RSBN1L: variants seen among roughly 807,000 people sequenced by gnomAD.
The protein encoded by RSBN1L is round spermatid basic protein 1 like, also known as lysine-specific demethylase RSBN1L.
A neutral mutation model predicts 67.7 loss-of-function variants in RSBN1L; 30 were observed. That is an observed-to-expected ratio of 0.44 (90% CI 0.33 to 0.60). RSBN1L has a LOEUF of 0.60. RSBN1L is among the 20% of genes least tolerant of loss of function. The pLI is 0.02. For missense variants in RSBN1L, 992 were observed against 1,031.7 expected, an observed-to-expected ratio of 0.96 and a Z score of 0.53; for synonymous variants, 433 against 387.0, an observed-to-expected ratio of 1.12 and a Z score of -1.39.
rs746477084 is a variant in RSBN1L, at chr7:77,696,742, G to A, written c.273G>A (p.Leu91=). The A allele has an allele frequency of 5.9e-5, 96 of 1,613,652 alleles. No individual in the cohort carries two copies. The South Asian group carries it at 1.0e-3, about 17-fold the overall frequency. The change falls in exon 1 of 8, where the codon CTG becomes CTA. Residue 91 remains leucine (L), a synonymous_variant. Transcript: ENST00000334955. The part of the protein sequence containing the change: ...GSPASWSFAP[L]SAAPSPSSSR... ...CCGCGTCTTGGAGCTTTGCCCCTCTGTCTGCTGCTCCCTCCCCGTCCTCTT... is the reference window on the plus strand; with the variant it reads ...CCGCGTCTTGGAGCTTTGCCCCTCTATCTGCTGCTCCCTCCCCGTCCTCTT...
At chr7:77,709,949 A>G (rs1297064773) in intron 1 of RSBN1L, among the ~76,000 whole-genome samples, 2 of 152,170 alleles carry the variant, frequency 1.3e-5, no homozygotes, top group African/African-American at 2.4e-5. Context: ...TTGTCTTGCT[A>G]TGTATGTTCC....
intron 1 of RSBN1L, among the ~76,000 whole-genome samples, chr7:77,731,312 C>T (rs1295300596): frequency 6.6e-6 from 1 of 152,148 alleles, no homozygotes; most frequent in African/African-American, 2.4e-5. Flanking sequence ...CTCCTGGACT[C>T]AAGTGATCCA....
intron 1 of RSBN1L, among the ~76,000 whole-genome samples, chr7:77,718,642 G>A (rs748066369): frequency 1.1e-4 from 17 of 152,080 alleles, no homozygotes; most frequent in Non-Finnish European, 2.2e-4. Flanking sequence ...TCTAGAGTCA[G>A]TGCATGTCTT....
At chr7:77,709,152 TTG>T (rs67322019) in intron 1 of RSBN1L, among the ~76,000 whole-genome samples, 1,953 of 142,398 alleles carry the variant, frequency 0.014, 19 homozygotes, top group East Asian at 0.052. Context: ...GGGATTCTGT[TTG>T]TGTGTGTGTG....
Position 77,754,498 on chromosome 7 carries a change from A to G in RSBN1L, c.1344+4434A>G, listed in dbSNP as rs566962523. ...CATAGAGGTCTTGCAGATTTTTAAGATTTATTCCTGTATATTCAAGACCTC... is the reference window on the plus strand; with the variant it reads ...CATAGAGGTCTTGCAGATTTTTAAGGTTTATTCCTGTATATTCAAGACCTC... On this transcript the variant is annotated intron_variant, in intron 3 of 7. Coordinates refer to ENST00000334955, the MANE Select transcript of RSBN1L (RefSeq NM_198467.3). Among the ~76,000 whole-genome samples the G allele has an allele frequency of 9.2e-5, 14 of 152,170 alleles. No homozygotes were observed. In the South Asian group the frequency reaches 2.9e-3, roughly 31 times the overall value.
chr7:77,709,516 C>T (rs1218239468), intron 1 of RSBN1L, among the ~76,000 whole-genome samples: 1 of 152,110 alleles, frequency 6.6e-6, no homozygotes, highest in Non-Finnish European at 1.5e-5. Context: ...TCTCAAACTC[C>T]TGACCTCAGG....
intron 3 of RSBN1L, among the ~76,000 whole-genome samples, chr7:77,763,703 G>GT (rs1791725414): frequency 2.0e-5 from 3 of 152,128 alleles, no homozygotes; most frequent in Admixed American, 2.0e-4. Flanking sequence ...ATATTTGTTT[G>GT]TTTTTTTGAG....
Position 77,749,960 on chromosome 7 carries a change from T to A in RSBN1L, c.1240T>A (p.Phe414Ile). 6.2e-7 allele frequency: 1 copy of A among 1,613,976 alleles called. No homozygotes were observed. The highest frequency in any genetic ancestry group is 8.5e-7 in the Non-Finnish European group (1 of 1,179,886). ...TGGGGCAGCTACTTATTTACCTGAC[T>A]TTTTAGACTATTTTTCATTTAATTT... ...VHGAATYLPD[F>I]LDYFSFNFPN... is the part of the protein sequence containing the mutation. Residue 414 changes from phenylalanine to isoleucine, a missense_variant, in exon 3 of 8, where the codon TTT (phenylalanine) becomes ATT (isoleucine). Coordinates refer to ENST00000334955, the MANE Select transcript of RSBN1L (RefSeq NM_198467.3).
At chr7:77,755,928 C>T (rs1275152520) in intron 3 of RSBN1L, among the ~76,000 whole-genome samples, 1 of 152,148 alleles carries the variant, frequency 6.6e-6, no homozygotes, top group Admixed American at 6.5e-5. Flanking sequence ...CAGAGGAAAG[C>T]AGAACTGTAG....
chr7:77,702,693 G>A (rs1790834612), intron 1 of RSBN1L, among the ~76,000 whole-genome samples: 1 of 152,056 alleles, frequency 6.6e-6, no homozygotes, highest in South Asian at 2.1e-4. Context: ...CCATAGAATG[G>A]GTGACTTAAC....
At chr7:77,709,987 T>C (rs989462036) in intron 1 of RSBN1L, among the ~76,000 whole-genome samples, 2 of 152,206 alleles carry the variant, frequency 1.3e-5, no homozygotes, top group Non-Finnish European at 2.9e-5. Flanking sequence ...ACCTAGTGGC[T>C]CCGTCTTGGA....
chr7:77,706,901 A>G (rs1790899728), intron 1 of RSBN1L, among the ~76,000 whole-genome samples: 1 of 152,236 alleles, frequency 6.6e-6, no homozygotes, highest in Non-Finnish European at 1.5e-5. Flanking sequence ...CAGTTTTTAA[A>G]TATAGCAAAT....
intron 1 of RSBN1L, among the ~76,000 whole-genome samples, chr7:77,723,042 A>G (rs981919020): frequency 1.4e-5 from 2 of 147,738 alleles, no homozygotes; most frequent in Non-Finnish European, 3.0e-5. Flanking sequence ...ATCTCGGCTC[A>G]CCACAACCTC....
chr7:77,766,994 C>T (rs1299637916), intron 4 of RSBN1L, among the ~76,000 whole-genome samples: 1 of 151,280 alleles, frequency 6.6e-6, no homozygotes, highest in Non-Finnish European at 1.5e-5. Context: ...GAACTAAATG[C>T]ATTATTTCTC....
At chr7:77,740,353 ATGTT>A (rs1255960969) in intron 2 of RSBN1L, among the ~76,000 whole-genome samples, 1 of 152,180 alleles carries the variant, frequency 6.6e-6, no homozygotes, top group Non-Finnish European at 1.5e-5. Flanking sequence ...TTTAGAGTAA[ATGTT>A]TGTCATTATA....
intron 1 of RSBN1L, among the ~76,000 whole-genome samples, chr7:77,711,667 A>G (rs1790976983): frequency 6.6e-6 from 1 of 152,226 alleles, no homozygotes; most frequent in Non-Finnish European, 1.5e-5. Context: ...TGTGTTAACC[A>G]ACAACAGTTT....
chr7:77,777,912 G>A (rs1791939266), intron 6 of RSBN1L, among the ~76,000 whole-genome samples: 2 of 152,032 alleles, frequency 1.3e-5, no homozygotes, highest in South Asian at 4.1e-4. Context: ...TTATGCATCA[G>A]TATAGTTATA....
At chr7:77,745,304 A>G (rs1791467990) in intron 2 of RSBN1L, among the ~76,000 whole-genome samples, 1 of 152,154 alleles carries the variant, frequency 6.6e-6, no homozygotes, top group South Asian at 2.1e-4. Flanking sequence ...GATAAGGGAA[A>G]AAACTATAAG....
At chr7:77,756,130 T>G (rs1369972861) in intron 3 of RSBN1L, among the ~76,000 whole-genome samples, 1 of 151,998 alleles carries the variant, frequency 6.6e-6, no homozygotes. Flanking sequence ...ATCTGACTTT[T>G]ATTTTTTTAT....
Sources: gnomAD v4.1 joint callset for allele counts (sites outside exome capture counted in the v4.1 genomes callset) on GRCh38, gnomAD v4.1.1 for gene constraint, MANE v1.5 for transcripts, NCBI Gene and HGNC (gene_info 2026-07-23, HGNC 2026-07-21) for gene names.